Variants in RTN1 observed in about 807,000 individuals in gnomAD.
The protein encoded by RTN1 is reticulon 1, also known as reticulon-1.
RTN1 carries 25 observed loss-of-function variants against 65.5 expected under a neutral mutation model. The ratio of observed to expected loss-of-function variants is 0.38; its 90% CI spans 0.28 to 0.53. The LOEUF (loss-of-function observed/expected upper bound fraction) is 0.53. Ranked by LOEUF, RTN1 falls within the 20% of genes least tolerant of loss-of-function variation. RTN1 has a pLI of 0.79. For missense variants in RTN1, 983 were observed against 1,025.4 expected, an observed-to-expected ratio of 0.96 and a Z score of 0.57; for synonymous variants, 471 against 447.6, an observed-to-expected ratio of 1.05 and a Z score of -0.66.
At position 59,870,557 on chromosome 14, in the gene RTN1, C is replaced by T; in HGVS notation, c.74G>A (p.Arg25Gln). The change falls in exon 1 of 9, where the codon CGG (arginine) becomes CAG (glutamine). Residue 25 changes from arginine to glutamine, a missense_variant. By Grantham distance (43) the Arg-to-Gln change is conservative. Transcript: ENST00000267484. The surrounding 1 kb of genome is among the most constrained non-coding windows in gnomAD (Gnocchi z 5.1). ...CACCGCTTCGTTCTCCCCCTCCCCC[C>T]GGTGCCTGAGCCACTGGGACCCGGG... ...AGPGSQWLRH[R>Q]GEGENEAVTP... 1 of 1,457,338 alleles carries T rather than the reference C, an allele frequency of 6.9e-7. No homozygotes were observed. Among genetic ancestry groups the T allele is most frequent in the Admixed American group, 2.5e-5 (1 of 40,282 alleles). 90.3% of individuals were successfully genotyped at this position (1,457,338 alleles called of 1,614,324 possible).
At chr14:59,755,353 AT>A (rs921621821) in intron 1 of RTN1, among the ~76,000 whole-genome samples, 2 of 152,092 alleles carry the variant, frequency 1.3e-5, no homozygotes, top group Admixed American at 6.5e-5. Flanking sequence ...TAAATTGAGA[AT>A]TTTTTTTTAA....
Position 59,858,472 on chromosome 14 carries a change from GT to G in RTN1, c.241+11917del, listed in dbSNP as rs71111672. ...CATAATTTTCTGTTGTTCAAGAGTAGTTTTTTTTTTTTTTAGAAAGCCAAAG... is the reference window on the plus strand; with the variant it reads ...CATAATTTTCTGTTGTTCAAGAGTAGTTTTTTTTTTTTTAGAAAGCCAAAG... On this transcript the variant is annotated intron_variant, in intron 1 of 8. Coordinates refer to ENST00000267484, the MANE Select transcript of RTN1 (RefSeq NM_021136.3). 7.7e-3 allele frequency among the ~76,000 whole-genome samples: 1,103 copies of G among 143,234 alleles called. 15 individuals are homozygous for G. The highest frequency in any genetic ancestry group is 0.023 in the African/African-American group (892 of 38,770). 94.0% of individuals were successfully genotyped at this position (143,234 alleles called of 152,430 possible). A position where few individuals can be genotyped will look rare whatever the true frequency, so the allele number is the denominator to read the frequency against.
chr14:59,673,634 A>C (rs1379910793), intron 3 of RTN1, among the ~76,000 whole-genome samples: 1 of 152,164 alleles, frequency 6.6e-6, no homozygotes, highest in East Asian at 1.9e-4. Flanking sequence ...TGATTGGTCC[A>C]TGGGTGGTCT....
chr14:59,732,989 T>TGCGGGCTTTGAAGAGTCCC (rs532668323), intron 2 of RTN1, among the ~76,000 whole-genome samples: 38 of 152,008 alleles, frequency 2.5e-4, no homozygotes, highest in African/African-American at 8.2e-4. Flanking sequence ...CACTCCAGCC[T>TGCGGGCTTTGAAGAGTCCC]GCGGGCTTTG....
intron 1 of RTN1, among the ~76,000 whole-genome samples, chr14:59,796,724 C>T (rs1243518526): frequency 6.6e-6 from 1 of 152,168 alleles, no homozygotes; most frequent in Non-Finnish European, 1.5e-5. Flanking sequence ...ATTGTGAAGA[C>T]AGTTTACCCC....
At chr14:59,842,154 AAAAG>A (rs1402158581) in intron 1 of RTN1, among the ~76,000 whole-genome samples, 1 of 152,038 alleles carries the variant, frequency 6.6e-6, no homozygotes, top group African/African-American at 2.4e-5. Context: ...AGAAAAAAAA[AAAAG>A]AAAGCAAGTA....
intron 1 of RTN1, among the ~76,000 whole-genome samples, chr14:59,817,471 G>C (rs992703482): frequency 6.6e-6 from 1 of 152,086 alleles, no homozygotes; most frequent in African/African-American, 2.4e-5. Context: ...CCTGACAAAG[G>C]GGGTGTCCTG....
intron 3 of RTN1, among the ~76,000 whole-genome samples, chr14:59,640,478 A>C (rs1426631713): frequency 6.6e-6 from 1 of 152,002 alleles, no homozygotes; most frequent in Non-Finnish European, 1.5e-5. Context: ...TACCACGCAC[A>C]GCTGATTTTT....
At chr14:59,647,505 C>T (rs1882925535) in intron 3 of RTN1, among the ~76,000 whole-genome samples, 1 of 152,332 alleles carries the variant, frequency 6.6e-6, no homozygotes, top group South Asian at 2.1e-4. Flanking sequence ...ACATTCTTCT[C>T]ATCACCACAT....
intron 3 of RTN1, among the ~76,000 whole-genome samples, chr14:59,655,939 C>T (rs528216075): frequency 9.8e-5 from 15 of 152,294 alleles, no homozygotes; most frequent in Non-Finnish European, 2.1e-4. Flanking sequence ...TGGATACGAA[C>T]ATTCACAGAA....
chr14:59,696,697 C>G (rs1884070647), intron 3 of RTN1, among the ~76,000 whole-genome samples: 1 of 152,168 alleles, frequency 6.6e-6, no homozygotes, highest in Non-Finnish European at 1.5e-5. Flanking sequence ...ATTGAAGAAG[C>G]TGGAAGCTGC....
At chr14:59,666,585 A>G (rs1162276258) in intron 3 of RTN1, among the ~76,000 whole-genome samples, 1 of 152,266 alleles carries the variant, frequency 6.6e-6, no homozygotes, top group East Asian at 1.9e-4. Flanking sequence ...AAAAATAACT[A>G]AGATCAGAGC....
At chr14:59,831,679 T>A (rs989203737) in intron 1 of RTN1, among the ~76,000 whole-genome samples, 8 of 152,188 alleles carry the variant, frequency 5.3e-5, no homozygotes, top group African/African-American at 1.9e-4. Flanking sequence ...ACATCTCTTT[T>A]TCATTCTATC....
At chr14:59,850,627 A>AT (rs1887487548) in intron 1 of RTN1, among the ~76,000 whole-genome samples, 1 of 152,246 alleles carries the variant, frequency 6.6e-6, no homozygotes, top group African/African-American at 2.4e-5. Context: ...GATTCTACAA[A>AT]TGTAAAAATG....
intron 3 of RTN1, among the ~76,000 whole-genome samples, chr14:59,670,007 A>G (rs1883468658): frequency 6.6e-6 from 1 of 152,208 alleles, no homozygotes; most frequent in South Asian, 2.1e-4. Flanking sequence ...GAAGGTCATC[A>G]TTGATCACTT....
At chr14:59,788,541 T>C (rs964045634) in intron 1 of RTN1, among the ~76,000 whole-genome samples, 1 of 152,228 alleles carries the variant, frequency 6.6e-6, no homozygotes, top group Non-Finnish European at 1.5e-5. Context: ...TGTTCATATT[T>C]TTCATTTAGT....
intron 2 of RTN1, among the ~76,000 whole-genome samples, chr14:59,736,365 T>C (rs1286906535): frequency 6.6e-6 from 1 of 151,784 alleles, no homozygotes; most frequent in East Asian, 1.9e-4. Flanking sequence ...CCCACAGAAA[T>C]ACAAACAATG....
chr14:59,625,624 T>C (rs2140180345), intron 3 of RTN1, among the ~76,000 whole-genome samples: 1 of 152,332 alleles, frequency 6.6e-6, no homozygotes, highest in East Asian at 1.9e-4. Context: ...TTATGCAATA[T>C]CTAGATAATA....
chr14:59,728,953 T>C (rs1229688378), intron 2 of RTN1, among the ~76,000 whole-genome samples: 1 of 152,064 alleles, frequency 6.6e-6, no homozygotes, highest in Non-Finnish European at 1.5e-5. Context: ...GTAAAGTATA[T>C]AGTATGTTAG....
Sources: allele counts gnomAD v4.1 joint callset (sites outside exome capture counted in the v4.1 genomes callset), GRCh38; gene constraint gnomAD v4.1.1; non-coding constraint Gnocchi (gnomAD v3.1); transcripts MANE v1.5; gene names NCBI Gene and HGNC (gene_info 2026-07-23, HGNC 2026-07-21).